The following SPON1 variants were observed in gnomAD, a reference collection of about 807,000 sequenced individuals.
The protein encoded by SPON1 is spondin-1.
Under a neutral mutation model 111.7 loss-of-function variants are expected in SPON1, and 52 were observed. That is an observed-to-expected ratio of 0.47 (90% confidence interval 0.37 to 0.59). SPON1 has a LOEUF of 0.59. SPON1 is among the 20% of genes least tolerant of loss of function. SPON1 has a pLI of 0.00. For synonymous variants in SPON1, 410 were observed against 395.8 expected (o/e 1.04, Z -0.43); for missense variants, 957 against 1,068.5 (o/e 0.90, Z 1.46).
chr11:14,120,587 T>C (rs1849297594), intron 5 of SPON1, among the ~76,000 whole-genome samples: 1 of 152,172 alleles, frequency 6.6e-6, no homozygotes, highest in Non-Finnish European at 1.5e-5. Context: ...AATGGGCCTC[T>C]GCACTCCCAA....
chr11:14,031,926 G>A (rs1848561990), intron 2 of SPON1, among the ~76,000 whole-genome samples: 1 of 152,100 alleles, frequency 6.6e-6, no homozygotes, highest in Non-Finnish European at 1.5e-5. Context: ...CCCTTCCTGG[G>A]CAGATTCAGC....
In SPON1 at chr11:14,131,095, G is replaced by C. The variant is rs902443593; in HGVS notation, c.677-4325G>C. On this transcript the variant is annotated intron_variant, in intron 5 of 15. Coordinates refer to ENST00000576479, the MANE Select transcript of SPON1 (RefSeq NM_006108.4). ...TTTTCCAATGCCATTTACCACCATC[G>C]GCACTCAGCACCCACCACAACCTAG... Among the ~76,000 whole-genome samples, 42 of 152,018 alleles carry C rather than the reference G, an allele frequency of 2.8e-4. 1 individual carries two copies. The highest frequency in any genetic ancestry group is 1.0e-4 in the Non-Finnish European group (7 of 67,992).
At chr11:14,016,447 C>T (rs938779793) in intron 2 of SPON1, among the ~76,000 whole-genome samples, 5 of 152,208 alleles carry the variant, frequency 3.3e-5, no homozygotes, top group African/African-American at 2.4e-5. Context: ...TCTAAGTATA[C>T]ATTTATATCA....
At chr11:14,018,901 C>T (rs932386511) in intron 2 of SPON1, among the ~76,000 whole-genome samples, 3 of 152,182 alleles carry the variant, frequency 2.0e-5, no homozygotes, top group Non-Finnish European at 2.9e-5. Context: ...CTGGTAATAG[C>T]AGCCAGCACT....
intron 6 of SPON1, among the ~76,000 whole-genome samples, chr11:14,202,715 T>G (rs1848476522): frequency 6.6e-6 from 1 of 152,170 alleles, no homozygotes. Context: ...TAGGGAAACA[T>G]CCTGTCTTTT....
At chr11:14,137,249 A>AC (rs145928604) in intron 6 of SPON1, among the ~76,000 whole-genome samples, 1 of 151,680 alleles carries the variant, frequency 6.6e-6, no homozygotes, top group Non-Finnish European at 1.5e-5. Context: ...CATGGATGGG[A>AC]CCCCCCACCA....
intron 5 of SPON1, among the ~76,000 whole-genome samples, chr11:14,108,042 A>G (rs1554925092): frequency 1.3e-5 from 2 of 152,150 alleles, no homozygotes; most frequent in African/African-American, 4.8e-5. Flanking sequence ...CCTAGGTTCA[A>G]AGCTAATCTC....
chr11:14,160,260 G>A (rs1027784368), intron 6 of SPON1, among the ~76,000 whole-genome samples: 2 of 143,732 alleles, frequency 1.4e-5, no homozygotes, highest in African/African-American at 5.1e-5. Flanking sequence ...AACTCAGGAT[G>A]TTTTATCAGT....
intron 6 of SPON1, among the ~76,000 whole-genome samples, chr11:14,225,956 G>A (rs1176658404): frequency 2.0e-5 from 3 of 151,978 alleles, no homozygotes; most frequent in Admixed American, 6.6e-5. Context: ...ATGCATCATC[G>A]GGCCATCTTC....
chr11:14,110,476 T>C (rs1356767962), intron 5 of SPON1, among the ~76,000 whole-genome samples: 20 of 152,310 alleles, frequency 1.3e-4, no homozygotes, highest in African/African-American at 3.8e-4. Flanking sequence ...AGGGAGTTTA[T>C]TGGGGAGAAT....
chr11:14,224,669 A>G, intron 6 of SPON1: 1 of 432,796 alleles, frequency 2.3e-6, no homozygotes, highest in Non-Finnish European at 4.6e-6. Flanking sequence ...GGCCATACCC[A>G]GTACTTGACA....
intron 5 of SPON1, among the ~76,000 whole-genome samples, chr11:14,134,253 G>A (rs1015801202): frequency 4.6e-5 from 7 of 152,114 alleles, no homozygotes; most frequent in South Asian, 2.1e-4. Context: ...TGAGCCAACT[G>A]TGTGATGAAC....
chr11:14,235,047 G>T (rs1442842196), intron 6 of SPON1, among the ~76,000 whole-genome samples: 2 of 152,180 alleles, frequency 1.3e-5, no homozygotes, highest in Non-Finnish European at 2.9e-5. Context: ...TCCCAAAGTG[G>T]TCACTGTATG....
At chr11:14,156,676 G>A (rs1355616538) in intron 6 of SPON1, among the ~76,000 whole-genome samples, 7 of 152,110 alleles carry the variant, frequency 4.6e-5, no homozygotes, top group South Asian at 2.1e-4. Context: ...TTTGTCTAAG[G>A]TGTAAGGAAG....
At chr11:14,010,130 G>A (rs536450892) in intron 2 of SPON1, among the ~76,000 whole-genome samples, 1 of 152,288 alleles carries the variant, frequency 6.6e-6, no homozygotes, top group South Asian at 2.1e-4. Context: ...AGTTGCAGGA[G>A]GAGAAGGTTT....
At chr11:14,033,814 G>C (rs1314852057) in intron 2 of SPON1, among the ~76,000 whole-genome samples, 1 of 152,158 alleles carries the variant, frequency 6.6e-6, no homozygotes, top group Non-Finnish European at 1.5e-5. Context: ...GTCTAAACTT[G>C]GTGGATATCT....
chr11:14,160,669 T>A (rs1413922091), intron 6 of SPON1, among the ~76,000 whole-genome samples: 2 of 21,882 alleles, frequency 9.1e-5, no homozygotes, highest in South Asian at 4.5e-3. Flanking sequence ...ATATATATAT[T>A]TACATATATT....
At position 14,228,008 on chromosome 11, in the gene SPON1, TAAAAAC is replaced by T. The variant is rs1419881635; in HGVS notation, c.826-15319_826-15314del. Among the ~76,000 whole-genome samples the T allele has an allele frequency of 2.0e-4, 31 of 152,182 alleles. No homozygotes were observed. Among genetic ancestry groups the T allele is most frequent in the African/African-American group, 7.5e-4 (31 of 41,436 alleles). ...TATGCTTATAGCTCTCTTAAGATGATAAAAACAAAATAGTGATACTAATAATAACAC... is the reference window on the plus strand; with the variant it reads ...TATGCTTATAGCTCTCTTAAGATGATAAAATAGTGATACTAATAATAACAC... On this transcript the variant is annotated intron_variant, in intron 6 of 15. Transcript: ENST00000576479. The surrounding 1 kb of genome is among the most constrained non-coding windows in gnomAD (Gnocchi z 4.2).
chr11:14,159,705 A>C (rs782388949), intron 6 of SPON1, among the ~76,000 whole-genome samples: 1 of 152,168 alleles, frequency 6.6e-6, no homozygotes, highest in Non-Finnish European at 1.5e-5. Flanking sequence ...ATTCAGCCAT[A>C]AGAAGAATGA....
Sources: allele counts gnomAD v4.1 joint callset (sites outside exome capture counted in the v4.1 genomes callset), GRCh38; gene constraint gnomAD v4.1.1; non-coding constraint Gnocchi (gnomAD v3.1); transcripts MANE v1.5; gene names NCBI Gene and HGNC (gene_info 2026-07-23, HGNC 2026-07-21).